PIEZO2: variants seen among roughly 807,000 people sequenced by gnomAD.
PIEZO2 encodes the protein piezo type mechanosensitive ion channel component 2.
Under a neutral mutation model 337.3 loss-of-function variants are expected in PIEZO2, and 172 were observed. That is an observed-to-expected ratio of 0.51 (90% CI 0.45 to 0.58). PIEZO2 has a LOEUF of 0.58. Among genes scored for constraint, PIEZO2 ranks in the 20% least tolerant of loss-of-function variants. The probability of loss-of-function intolerance (pLI) is 0.00; values close to 1 mark genes in which losing one functional copy is unlikely to be tolerated. For synonymous variants in PIEZO2, 1,251 were observed against 1,228.5 expected (o/e 1.02, Z -0.38); for missense variants, 3,028 against 3,391.3 (o/e 0.89, Z 2.66).
intron 1 of PIEZO2, among the ~76,000 whole-genome samples, chr18:11,079,766 G>A (rs1258462945): frequency 6.6e-6 from 1 of 152,092 alleles, no homozygotes; most frequent in Non-Finnish European, 1.5e-5. Flanking sequence ...CTCTCATAAT[G>A]CCCTCATAAC....
At chr18:10,734,332 G>A (rs1029734548) in intron 35 of PIEZO2, among the ~76,000 whole-genome samples, 1 of 152,200 alleles carries the variant, frequency 6.6e-6, no homozygotes, top group African/African-American at 2.4e-5. Flanking sequence ...TGCTACTCAA[G>A]GCCCAGCCAC....
At chr18:10,883,478 G>A (rs1222190170) in intron 4 of PIEZO2, among the ~76,000 whole-genome samples, 1 of 151,948 alleles carries the variant, frequency 6.6e-6, no homozygotes, top group Non-Finnish European at 1.5e-5. Context: ...AAAAACTATA[G>A]ATATTTATTA....
rs538155596 is a variant in PIEZO2, at chr18:10,993,504, G to A, written c.161-13844C>T. On this transcript the variant is annotated intron_variant, in intron 2 of 55. Coordinates refer to ENST00000674853, the MANE Select transcript of PIEZO2 (RefSeq NM_001378183.1). The surrounding 1 kb of genome is among the most constrained non-coding windows in gnomAD (Gnocchi z 5.0). ...TGTCATTGGTTCTGTTTATGTGATA[G>A]ATTACGTTTTTGTTGTTGTTGTTGT... Among the ~76,000 whole-genome samples the A allele has an allele frequency of 1.3e-5, 2 of 151,554 alleles. No individual in the cohort carries two copies. Among genetic ancestry groups the A allele is most frequent in the African/African-American group, 4.9e-5 (2 of 41,002 alleles).
chr18:10,738,606 G>A (rs148940202), intron 33 of PIEZO2: 13 of 152,166 alleles, frequency 8.5e-5, no homozygotes, highest in Non-Finnish European at 1.8e-4. Context: ...TCTTACACAC[G>A]TGTTTGTTAG....
At position 10,718,255 on chromosome 18, in the gene PIEZO2, A is replaced by G; in HGVS notation, c.5034T>C (p.Pro1678=). The change falls in exon 37 of 56, where the codon CCT becomes CCC. Residue 1678 remains proline (P), a synonymous_variant. Coordinates refer to ENST00000674853, the MANE Select transcript of PIEZO2 (RefSeq NM_001378183.1). ...CATCCTCCCGGTCTTCCCATTCCACAGGACCTGCCAAGTGTGTTCAATAAA... is the reference window on the plus strand; with the variant it reads ...CATCCTCCCGGTCTTCCCATTCCACGGGACCTGCCAAGTGTGTTCAATAAA... ...KRRRKGSKEG[P]VEWEDREDEP... 2 of 1,536,608 alleles carry G rather than the reference A, an allele frequency of 1.3e-6. No homozygotes were observed. The highest frequency in any genetic ancestry group is 1.7e-6 in the Non-Finnish European group (2 of 1,146,298).
intron 33 of PIEZO2, chr18:10,737,791 A>G (rs2037067585): frequency 6.6e-6 from 1 of 152,256 alleles, no homozygotes; most frequent in Non-Finnish European, 1.5e-5. Context: ...GCAGGAAAAC[A>G]TATTTTCAAA....
At chr18:11,054,933 C>G (rs2037662898) in intron 2 of PIEZO2, among the ~76,000 whole-genome samples, 1 of 152,090 alleles carries the variant, frequency 6.6e-6, no homozygotes, top group South Asian at 2.1e-4. Flanking sequence ...GAGGGGCAGC[C>G]AGGCACGGTG....
intron 51 of PIEZO2, among the ~76,000 whole-genome samples, chr18:10,680,606 G>A (rs761145027): frequency 6.6e-6 from 1 of 152,136 alleles, no homozygotes; most frequent in Non-Finnish European, 1.5e-5. Flanking sequence ...CATCAATACA[G>A]CTATGGAATC....
chr18:11,073,920 C>T (rs1344221124), intron 1 of PIEZO2, among the ~76,000 whole-genome samples: 3 of 150,988 alleles, frequency 2.0e-5, no homozygotes, highest in South Asian at 2.1e-4. Context: ...AATCTCGGCT[C>T]GCTGCAACCT....
chr18:10,785,414 G>A (rs554499902), intron 16 of PIEZO2, among the ~76,000 whole-genome samples: 2 of 152,314 alleles, frequency 1.3e-5, no homozygotes, highest in South Asian at 2.1e-4. Flanking sequence ...AGGACTCAAA[G>A]TGCATCTACA....
chr18:10,816,091 T>A (rs972352603), intron 7 of PIEZO2, among the ~76,000 whole-genome samples: 2 of 152,160 alleles, frequency 1.3e-5, no homozygotes. Context: ...GACACCTAAG[T>A]CTCATGCTGG....
chr18:10,934,965 G>A (rs776363169), intron 3 of PIEZO2, among the ~76,000 whole-genome samples: 1 of 151,956 alleles, frequency 6.6e-6, no homozygotes, highest in African/African-American at 2.4e-5. Context: ...TAACTGACTC[G>A]CCCAGGATCA....
chr18:11,075,786 C>CTTT (rs147029235), intron 1 of PIEZO2, among the ~76,000 whole-genome samples: 1 of 125,246 alleles, frequency 8.0e-6, no homozygotes, highest in Non-Finnish European at 1.7e-5. Flanking sequence ...AGATATATTT[C>CTTT]TTTTTTTTTT....
rs1226828679 is a variant in PIEZO2, at chr18:10,940,225, TCAAGATG to T, written c.287-29004_287-28998del. ...AGTGTTCATTGGTGATTGCTGATAT[TCAAGATG>T]CGTGAATTAGTGAGTACCTCATAAA... On this transcript the variant is annotated intron_variant, in intron 3 of 55. Transcript: ENST00000674853. The surrounding 1 kb of genome is among the most constrained non-coding windows in gnomAD (Gnocchi z 5.3). 3.3e-5 allele frequency among the ~76,000 whole-genome samples: 5 copies of T among 152,202 alleles called. No individual in the cohort carries two copies. The highest frequency in any genetic ancestry group is 3.3e-4 in the Admixed American group (5 of 15,282).
At chr18:10,715,547 G>A in intron 38 of PIEZO2, 103 bp downstream of exon 38, 2 of 1,106,314 alleles carry the variant, frequency 1.8e-6, no homozygotes, top group East Asian at 5.5e-5. Flanking sequence ...CAACTGCCTG[G>A]AAAGAAAGGG....
intron 7 of PIEZO2, among the ~76,000 whole-genome samples, chr18:10,840,631 TA>T (rs141692621): frequency 0.06 from 8,882 of 147,470 alleles, 364 homozygotes; most frequent in Non-Finnish European, 0.086. Context: ...CTTTTGACAA[TA>T]AAAAAAAAAG....
intron 4 of PIEZO2, among the ~76,000 whole-genome samples, chr18:10,874,225 T>TGGCTCACGCCTGTAATCCCAG (rs2042210908): frequency 6.6e-6 from 1 of 151,938 alleles, no homozygotes; most frequent in Admixed American, 6.5e-5. Context: ...ATGCTCAGCA[T>TGGCTCACGCCTGTAATCCCAG]CACTCATCAT....
At chr18:10,737,659 T>C (rs896865917) in intron 33 of PIEZO2, 3 of 152,206 alleles carry the variant, frequency 2.0e-5, no homozygotes, top group Non-Finnish European at 4.4e-5. Flanking sequence ...AACTACAACG[T>C]ACAGAGATTT....
intron 9 of PIEZO2, among the ~76,000 whole-genome samples, chr18:10,802,085 C>CAAAAAAAAAAAAAA (rs58924448): frequency 2.5e-4 from 24 of 96,570 alleles, no homozygotes; most frequent in Non-Finnish European, 3.0e-4. Context: ...GACTCCGTCT[C>CAAAAAAAAAAAAAA]AAAAAAAAAA....
Sources: allele counts gnomAD v4.1 joint callset (sites outside exome capture counted in the v4.1 genomes callset), GRCh38; gene constraint gnomAD v4.1.1; non-coding constraint Gnocchi (gnomAD v3.1); transcripts MANE v1.5; gene names NCBI Gene and HGNC (gene_info 2026-07-23, HGNC 2026-07-21).